The following UBE4B variants were observed in gnomAD, a reference collection of about 807,000 sequenced individuals.
UBE4B encodes ubiquitin conjugation factor E4 B.
In UBE4B, 27 loss-of-function variants were observed where a neutral mutation model predicts 148.1. That is an observed-to-expected ratio of 0.18 (90% CI 0.13 to 0.25). The LOEUF is 0.25. Among genes scored for constraint, UBE4B ranks in the 10% least tolerant of loss-of-function variants. UBE4B has a pLI of 1.00. For missense variants in UBE4B, 1,170 were observed against 1,662.4 expected (o/e 0.70, Z 5.15); for synonymous variants, 596 against 619.3 (o/e 0.96, Z 0.56).
chr1:10,175,888 T>A (rs2180184), intron 25 of UBE4B, among the ~76,000 whole-genome samples: 4 of 151,856 alleles, frequency 2.6e-5, no homozygotes, highest in Non-Finnish European at 5.9e-5. Flanking sequence ...TACCATTTTG[T>A]GGCATGTAGT....
At chr1:10,153,068 G>GTT (rs910841951) in intron 21 of UBE4B, among the ~76,000 whole-genome samples, 4 of 152,044 alleles carry the variant, frequency 2.6e-5, no homozygotes, top group Non-Finnish European at 4.4e-5. Context: ...ACTGCTGACA[G>GTT]TAAGTGCAAG....
intron 9 of UBE4B, among the ~76,000 whole-genome samples, chr1:10,120,690 T>G (rs1280779709): frequency 6.7e-6 from 1 of 150,006 alleles, no homozygotes; most frequent in Non-Finnish European, 1.5e-5. Context: ...TACAAAAAAT[T>G]AGCTGGGCAT....
At chr1:10,138,167 G>A (rs1307694192) in intron 17 of UBE4B, among the ~76,000 whole-genome samples, 1 of 149,790 alleles carries the variant, frequency 6.7e-6, no homozygotes, top group African/African-American at 2.5e-5. Flanking sequence ...GCATGATCTC[G>A]GCTCACTGTA....
chr1:10,089,211 T>G (rs1382596712), intron 2 of UBE4B, among the ~76,000 whole-genome samples: 1 of 152,054 alleles, frequency 6.6e-6, no homozygotes, highest in Non-Finnish European at 1.5e-5. Context: ...TTCACCATAT[T>G]GGCCAGGATG....
chr1:10,125,337 A>G (rs1299289564), intron 10 of UBE4B, among the ~76,000 whole-genome samples: 4 of 152,202 alleles, frequency 2.6e-5, no homozygotes, highest in Admixed American at 1.3e-4. Flanking sequence ...CAATGTTGGC[A>G]TTCCCCAGCT....
Position 10,179,403 on chromosome 1 carries a change from T to C in UBE4B, c.3701-13T>C, listed in dbSNP as rs183828795. 896 of 1,612,758 alleles carry C rather than the reference T, an allele frequency of 5.6e-4. No homozygotes were observed. The highest frequency in any genetic ancestry group is 7.2e-4 in the Non-Finnish European group (853 of 1,179,366). On this transcript the variant is annotated splice_polypyrimidine_tract_variant and intron_variant, in intron 26 of 27. Coordinates refer to ENST00000343090, the MANE Select transcript of UBE4B (RefSeq NM_001105562.3). ...CTCAGTAGATTAGAGTTTGCTTTGCTTTGTCCCCGCAGACCCTCTGATGGA... is the reference window on the plus strand; with the variant it reads ...CTCAGTAGATTAGAGTTTGCTTTGCCTTGTCCCCGCAGACCCTCTGATGGA...
chr1:10,034,333 C>T (rs1010997584), intron 1 of UBE4B, among the ~76,000 whole-genome samples: 2 of 152,132 alleles, frequency 1.3e-5, no homozygotes, highest in Non-Finnish European at 2.9e-5. Context: ...ATCTTTCAAA[C>T]TTGTGTTTTG....
At chr1:10,059,646 A>G (rs1208645679) in intron 1 of UBE4B, 1 of 166,992 alleles carries the variant, frequency 6.0e-6, no homozygotes, top group African/African-American at 2.4e-5. Flanking sequence ...TGCTTAGGGC[A>G]AGGCCGAGGC....
chr1:10,080,285 T>C (rs1032804425), intron 2 of UBE4B, among the ~76,000 whole-genome samples: 1 of 151,932 alleles, frequency 6.6e-6, no homozygotes, highest in African/African-American at 2.4e-5. Context: ...CTGGGCATGG[T>C]GGCGGGTGCC....
At chr1:10,090,327 G>A (rs1644826660) in intron 2 of UBE4B, among the ~76,000 whole-genome samples, 1 of 151,958 alleles carries the variant, frequency 6.6e-6, no homozygotes, top group African/African-American at 2.4e-5. Flanking sequence ...CCTGTGTCAC[G>A]CAGGCTGGTC....
intron 15 of UBE4B, 49 bp downstream of exon 15, chr1:10,132,531 T>G (rs774764688): frequency 3.9e-6 from 6 of 1,546,600 alleles, no homozygotes; most frequent in East Asian, 2.2e-5. Context: ...TTCATTCATC[T>G]GACCCAGATT....
rs1646488612 is a variant in UBE4B at position 10,180,349 on chromosome 1, C to T, written c.*393C>T. On this transcript the variant is annotated 3_prime_UTR_variant, in exon 28 of 28. Coordinates refer to ENST00000343090, the MANE Select transcript of UBE4B (RefSeq NM_001105562.3). ...TTGATTGTGATTAGAGAACCTTGGA[C>T]ATTTTGCTGCTAAAGAATCTTTTTT... 2 of 171,054 alleles carry T rather than the reference C, an allele frequency of 1.2e-5. No homozygotes were observed. Among genetic ancestry groups the T allele is most frequent in the South Asian group, 3.5e-4 (2 of 5,690 alleles). 10.6% of individuals were successfully genotyped at this position (171,054 alleles called of 1,614,324 possible).
At chr1:10,116,905 C>A (rs550602406) in intron 7 of UBE4B, among the ~76,000 whole-genome samples, 2 of 152,168 alleles carry the variant, frequency 1.3e-5, no homozygotes, top group African/African-American at 2.4e-5. Flanking sequence ...TTACCTTTTT[C>A]ACTGATAGTT....
chr1:10,118,866 G>GTTTTTT (rs1420083978), intron 8 of UBE4B, among the ~76,000 whole-genome samples: 1 of 82,500 alleles, frequency 1.2e-5, no homozygotes, highest in Non-Finnish European at 2.4e-5. Context: ...GGCCAGGCTG[G>GTTTTTT]TCTTTTTTTT....
At chr1:10,036,981 A>G (rs562726723) in intron 1 of UBE4B, among the ~76,000 whole-genome samples, 1 of 152,150 alleles carries the variant, frequency 6.6e-6, no homozygotes. Flanking sequence ...CTTTTAAATT[A>G]TGTGCACTTT....
intron 12 of UBE4B, among the ~76,000 whole-genome samples, chr1:10,129,732 C>T (rs1313246113): frequency 6.6e-6 from 1 of 151,948 alleles, no homozygotes; most frequent in Non-Finnish European, 1.5e-5. Context: ...CACACTGCAG[C>T]CTACGCCTCC....
At chr1:10,078,340 G>T (rs145011969) in intron 2 of UBE4B, among the ~76,000 whole-genome samples, 1 of 152,216 alleles carries the variant, frequency 6.6e-6, no homozygotes, top group Non-Finnish European at 1.5e-5. Flanking sequence ...AAAATGTAGG[G>T]CTTACTGCAG....
At chr1:10,078,629 G>T (rs1644624136) in intron 2 of UBE4B, among the ~76,000 whole-genome samples, 1 of 151,946 alleles carries the variant, frequency 6.6e-6, no homozygotes, top group African/African-American at 2.4e-5. Flanking sequence ...TTTGATGTTT[G>T]CCTATCAAAC....
intron 7 of UBE4B, among the ~76,000 whole-genome samples, chr1:10,111,356 T>C (rs527628601): frequency 6.6e-6 from 1 of 152,222 alleles, no homozygotes; most frequent in East Asian, 1.9e-4. Context: ...CACGTAATAC[T>C]CCCTCCTGCC....
Sources: allele counts gnomAD v4.1 joint callset (sites outside exome capture counted in the v4.1 genomes callset), GRCh38; gene constraint gnomAD v4.1.1; transcripts MANE v1.5; gene names NCBI Gene and HGNC (gene_info 2026-07-23, HGNC 2026-07-21).